The following COL23A1 variants were observed in gnomAD, a reference collection of about 807,000 sequenced individuals.
COL23A1 encodes the protein collagen type XXIII alpha 1 chain.
In COL23A1, 97 loss-of-function variants were observed where a neutral mutation model predicts 99.3. That is an observed-to-expected ratio of 0.98 (90% confidence interval 0.83 to 1.16). The LOEUF is 1.16. Among genes scored for constraint, COL23A1 ranks in the 50% most tolerant of loss-of-function variants. The pLI, the probability that COL23A1 is intolerant of heterozygous loss-of-function variation, is 0.00. For synonymous variants in COL23A1, 320 were observed against 308.2 expected (o/e 1.04, Z -0.40); for missense variants, 762 against 757.4 (o/e 1.01, Z -0.07).
chr5:178,421,465 A>G (rs1156523238), intron 2 of COL23A1, among the ~76,000 whole-genome samples: 1 of 151,738 alleles, frequency 6.6e-6, no homozygotes, highest in African/African-American at 2.4e-5. Flanking sequence ...GCACAAGATA[A>G]GCATGCTACC....
intron 1 of COL23A1, among the ~76,000 whole-genome samples, chr5:178,570,957 C>G (rs1437412643): frequency 1.3e-5 from 2 of 152,082 alleles, no homozygotes; most frequent in African/African-American, 4.8e-5. Context: ...GGTCAGGGAA[C>G]GAACCACCGA....
chr5:178,354,625 C>T (rs1236273070), intron 2 of COL23A1, among the ~76,000 whole-genome samples: 2 of 152,196 alleles, frequency 1.3e-5, no homozygotes, highest in East Asian at 3.8e-4. Flanking sequence ...CGCTGTCTCT[C>T]TCTCCTGCTC....
At chr5:178,529,321 T>C (rs1002809521) in intron 2 of COL23A1, among the ~76,000 whole-genome samples, 3 of 152,086 alleles carry the variant, frequency 2.0e-5, no homozygotes, top group Non-Finnish European at 1.5e-5. Flanking sequence ...CAAATCACAG[T>C]GAAGCCCAGA....
chr5:178,360,361 C>T (rs577242733), intron 2 of COL23A1, among the ~76,000 whole-genome samples: 5 of 152,312 alleles, frequency 3.3e-5, no homozygotes, highest in South Asian at 2.1e-4. Flanking sequence ...CTTTTCCCAG[C>T]GGGGACAGGT....
chr5:178,485,160 G>A (rs996739540), intron 2 of COL23A1, among the ~76,000 whole-genome samples: 3 of 152,192 alleles, frequency 2.0e-5, no homozygotes, highest in Admixed American at 2.0e-4. Flanking sequence ...TGAAATTGGT[G>A]TAGTTTTGTT....
Position 178,589,111 on chromosome 5 carries a change from T to A in COL23A1, c.294+793A>T, listed in dbSNP as rs1363084142. On this transcript the variant is annotated intron_variant, in intron 1 of 28. Coordinates refer to ENST00000390654, the MANE Select transcript of COL23A1 (RefSeq NM_173465.4). The surrounding 1 kb of genome is among the most constrained non-coding windows in gnomAD (Gnocchi z 5.4). ...GCTTGGAGGACCCAAAGGTGGCTCT[T>A]TCTTTGAAGACACACAGCAGCAATC... 6.6e-6 allele frequency among the ~76,000 whole-genome samples: 1 copy of A among 152,172 alleles called. No homozygotes were observed. Among genetic ancestry groups the A allele is most frequent in the Non-Finnish European group, 1.5e-5 (1 of 68,014 alleles).
At chr5:178,528,879 G>A (rs1300985620) in intron 2 of COL23A1, among the ~76,000 whole-genome samples, 4 of 152,224 alleles carry the variant, frequency 2.6e-5, no homozygotes, top group African/African-American at 4.8e-5. Flanking sequence ...GGTGTTTTGT[G>A]TCCACTGGGA....
chr5:178,286,128 G>A (rs755360595), intron 5 of COL23A1, among the ~76,000 whole-genome samples: 1 of 152,192 alleles, frequency 6.6e-6, no homozygotes, highest in African/African-American at 2.4e-5. Context: ...GGGGCTGGGC[G>A]ACCTCAGGAA....
At chr5:178,246,566 C>T (rs893401203) in intron 22 of COL23A1, 113 bp from the exon 23 acceptor site, 18 of 1,090,736 alleles carry the variant, frequency 1.7e-5, no homozygotes, top group East Asian at 1.3e-4. Context: ...CAGATCGAGG[C>T]TCCCCCAGGC....
At chr5:178,249,716 A>ACACACACACACACACACTCTCT in intron 18 of COL23A1, among the ~76,000 whole-genome samples, 14 of 92,800 alleles carry the variant, frequency 1.5e-4, no homozygotes, top group African/African-American at 6.0e-4. Context: ...ACACACACAC[A>ACACACACACACACACACTCTCT]CTCTCTCTCT....
In COL23A1 at chr5:178,362,683, G is replaced by A. The variant is rs749332838; in HGVS notation, c.362-55764C>T. Among the ~76,000 whole-genome samples the A allele has an allele frequency of 3.4e-4, 52 of 152,274 alleles. 1 individual carries two copies. Among genetic ancestry groups the A allele is most frequent in the Middle Eastern group, 3.4e-3 (1 of 294 alleles). On this transcript the variant is annotated intron_variant, in intron 2 of 28. Transcript: ENST00000390654. ...AGTCTCCGCCATGGGACTTCTGTTG[G>A]AACTATTAGACAAGAGGCTTTCTTC...
intron 18 of COL23A1, among the ~76,000 whole-genome samples, chr5:178,249,716 A>ACACACACACACTCACT: frequency 1.1e-5 from 1 of 92,750 alleles, no homozygotes; most frequent in African/African-American, 4.3e-5. Flanking sequence ...ACACACACAC[A>ACACACACACACTCACT]CTCTCTCTCT....
At chr5:178,345,591 A>G (rs1436919992) in intron 2 of COL23A1, among the ~76,000 whole-genome samples, 1 of 150,938 alleles carries the variant, frequency 6.6e-6, no homozygotes, top group African/African-American at 2.4e-5. Flanking sequence ...ATCTCGACTC[A>G]CTGCAAGCTC....
intron 2 of COL23A1, among the ~76,000 whole-genome samples, chr5:178,371,744 G>A (rs936066664): frequency 2.8e-4 from 43 of 152,162 alleles, no homozygotes; most frequent in African/African-American, 9.9e-4. Flanking sequence ...ATGTAGAAGC[G>A]CCTTCCCTTC....
chr5:178,345,821 G>C (rs116146819), intron 2 of COL23A1, among the ~76,000 whole-genome samples: 1 of 151,758 alleles, frequency 6.6e-6, no homozygotes, highest in African/African-American at 2.4e-5. Flanking sequence ...CGTTGCGCCC[G>C]GACTTTTTGA....
Position 178,387,582 on chromosome 5 carries a change from T to C in COL23A1, c.362-80663A>G, listed in dbSNP as rs930718651. ...GGGCTGCCCTCACAGCCGACTGTAT[T>C]TGGGGTTTGCCTGAGCCTCCCCTCC... On this transcript the variant is annotated intron_variant, in intron 2 of 28. Transcript: ENST00000390654. The surrounding 1 kb of genome is among the most constrained non-coding windows in gnomAD (Gnocchi z 4.7). Among the ~76,000 whole-genome samples the C allele has an allele frequency of 9.2e-5, 14 of 152,160 alleles. No homozygotes were observed. Among genetic ancestry groups the C allele is most frequent in the African/African-American group, 1.4e-4 (6 of 41,440 alleles).
chr5:178,335,590 T>C (rs1760272262), intron 2 of COL23A1, among the ~76,000 whole-genome samples: 1 of 152,192 alleles, frequency 6.6e-6, no homozygotes, highest in Non-Finnish European at 1.5e-5. Flanking sequence ...TGGAGACCCT[T>C]GTGCTAGAAT....
At chr5:178,243,480 T>TC (rs1424743922) in intron 25 of COL23A1, among the ~76,000 whole-genome samples, 4 of 136,068 alleles carry the variant, frequency 2.9e-5, no homozygotes, top group Non-Finnish European at 6.2e-5. Context: ...AGAGTGAGAC[T>TC]CCATCTCCAA....
rs928496642 is a variant in COL23A1, at chr5:178,365,643, T to G, written c.362-58724A>C. On this transcript the variant is annotated intron_variant, in intron 2 of 28. Transcript: ENST00000390654. The surrounding 1 kb of genome is among the most constrained non-coding windows in gnomAD (Gnocchi z 5.2). The stretch of plus-strand genomic sequence containing the variant: ...CGGCCCGCCCAGCACCCGCCAGGCA[T>G]GCAGTGGCCCCTCTCTTCTCCTCGA... 6.6e-6 allele frequency among the ~76,000 whole-genome samples: 1 copy of G among 152,142 alleles called. No individual in the cohort carries two copies. The highest frequency in any genetic ancestry group is 1.5e-5 in the Non-Finnish European group (1 of 68,012).
Sources: allele counts gnomAD v4.1 joint callset (sites outside exome capture counted in the v4.1 genomes callset), GRCh38; gene constraint gnomAD v4.1.1; non-coding constraint Gnocchi (gnomAD v3.1); transcripts MANE v1.5; gene names NCBI Gene and HGNC (gene_info 2026-07-23, HGNC 2026-07-21).